PLPP1: variants seen among roughly 807,000 people sequenced by gnomAD.
PLPP1 encodes lipid phosphate phosphohydrolase 1a.
PLPP1 carries 24 observed loss-of-function variants against 31.2 expected under a neutral mutation model. The observed-to-expected ratio is 0.77, with a 90% CI of 0.56 to 1.08. The LOEUF (loss-of-function observed/expected upper bound fraction) is 1.08, where lower values mean the gene tolerates loss of function less well. Ranked by LOEUF, PLPP1 falls within the 50% of genes least tolerant of loss-of-function variation. The pLI is 0.00. For missense variants in PLPP1, 319 were observed against 342.7 expected, an observed-to-expected ratio of 0.93 and a Z score of 0.55; for synonymous variants, 146 against 126.3, an observed-to-expected ratio of 1.16 and a Z score of -1.05.
Position 55,494,142 on chromosome 5 carries a change from A to G in PLPP1, c.59-18692T>C, listed in dbSNP as rs556437579. 5.9e-5 allele frequency among the ~76,000 whole-genome samples: 9 copies of G among 152,208 alleles called. No individual in the cohort carries two copies. In the South Asian group the frequency reaches 1.9e-3, roughly 32 times the overall value. ...TGTCCTCTTTTGCTCAGGGTCAGCA[A>G]CATGGTAAAATGAGGAATTTTAGAA... is the stretch of plus-strand genomic sequence containing the variant. On this transcript the variant is annotated intron_variant, in intron 1 of 5. Coordinates refer to ENST00000307259, the MANE Select transcript of PLPP1 (RefSeq NM_003711.4).
intron 1 of PLPP1, among the ~76,000 whole-genome samples, chr5:55,483,791 A>C (rs10075424): frequency 0.84 from 128,112 of 151,852 alleles, 54,446 homozygotes; most frequent in South Asian, 0.92. Context: ...ATAACAATCC[A>C]CATCCCAGAG....
At chr5:55,435,478 TC>T (rs1751470630) in intron 4 of PLPP1, among the ~76,000 whole-genome samples, 1 of 152,186 alleles carries the variant, frequency 6.6e-6, no homozygotes, top group Non-Finnish European at 1.5e-5. Context: ...ATGCTTTCCT[TC>T]CTTGATTAAA....
intron 1 of PLPP1, chr5:55,530,659 T>C: frequency 6.3e-7 from 1 of 1,598,540 alleles, no homozygotes; most frequent in Non-Finnish European, 8.6e-7. Flanking sequence ...AACTTCCTCA[T>C]TATATTTTCA....
chr5:55,474,732 G>A (rs183236676), intron 2 of PLPP1, among the ~76,000 whole-genome samples: 51 of 152,094 alleles, frequency 3.4e-4, no homozygotes, highest in Admixed American at 1.2e-3. Context: ...AATCAAAAAC[G>A]GTAGGTACAT....
intron 1 of PLPP1, among the ~76,000 whole-genome samples, chr5:55,507,504 A>C (rs1268120794): frequency 6.6e-6 from 1 of 152,242 alleles, no homozygotes; most frequent in Non-Finnish European, 1.5e-5. Flanking sequence ...GGGAGCAGGG[A>C]AAATGAAGGA....
intron 3 of PLPP1, among the ~76,000 whole-genome samples, chr5:55,458,041 G>A (rs918506630): frequency 6.6e-6 from 1 of 152,164 alleles, no homozygotes; most frequent in Non-Finnish European, 1.5e-5. Context: ...AGAGATATTA[G>A]AGACATAGGC....
chr5:55,533,459 A>T (rs185757446), intron 1 of PLPP1, among the ~76,000 whole-genome samples: 5 of 152,314 alleles, frequency 3.3e-5, no homozygotes, highest in African/African-American at 1.2e-4. Flanking sequence ...ATTTATAAGA[A>T]TTCCACAAGA....
Position 55,534,611 on chromosome 5 carries a change from G to C in PLPP1, c.19C>G (p.Leu7Val). MFDKTR[L>V]PYVALDVLCV... ...AGCACATCGAGGGCCACGTACGGCA[G>C]CCGCGTCTTGTCAAACATGGTCTCT... is the stretch of plus-strand genomic sequence containing the variant. Residue 7 changes from leucine to valine, a missense_variant, in exon 1 of 6, where the codon CTG becomes GTG. Leu to Val is a conservative substitution (Grantham distance 32, BLOSUM62 1). Transcript: ENST00000307259. 1 of 1,558,300 alleles carries C rather than the reference G, an allele frequency of 6.4e-7. No homozygotes were observed. The highest frequency in any genetic ancestry group is 8.7e-7 in the Non-Finnish European group (1 of 1,154,054).
At chr5:55,514,293 G>A (rs564305940) in intron 1 of PLPP1, among the ~76,000 whole-genome samples, 3 of 152,090 alleles carry the variant, frequency 2.0e-5, no homozygotes. Flanking sequence ...GCTGAGGTGG[G>A]AGGATCAAAT....
chr5:55,465,040 G>A (rs377442633), intron 3 of PLPP1, among the ~76,000 whole-genome samples: 4 of 99,186 alleles, frequency 4.0e-5, no homozygotes, highest in African/African-American at 1.4e-4. Context: ...TATGTGGGGC[G>A]GAGGTGGTTT....
intron 1 of PLPP1, among the ~76,000 whole-genome samples, chr5:55,505,726 A>G (rs1243926854): frequency 1.3e-5 from 2 of 152,220 alleles, no homozygotes; most frequent in African/African-American, 4.8e-5. Context: ...CTAAAATACC[A>G]CATGAAAATT....
At chr5:55,471,374 G>A (rs1752411696) in intron 2 of PLPP1, among the ~76,000 whole-genome samples, 1 of 151,988 alleles carries the variant, frequency 6.6e-6, no homozygotes, top group African/African-American at 2.4e-5. Context: ...GCTAAATTTT[G>A]TATTTTTAGT....
Position 55,534,574 on chromosome 5 carries a change from A to G in PLPP1, c.56T>C (p.Leu19Pro). The part of the protein sequence containing the change: ...YVALDVLCVL[L>P]AGLPFAILTS... Reference sequence around the variant, plus strand: ...CGGACCCGGCGGCGCGTACGTACCCAGCAACACGCAGAGCACATCGAGGGC... The same window carrying G: ...CGGACCCGGCGGCGCGTACGTACCCGGCAACACGCAGAGCACATCGAGGGC... The change falls in exon 1 of 6, where the codon CTG becomes CCG. Residue 19 changes from leucine to proline, a missense_variant and splice_region_variant. Transcript: ENST00000307259. The G allele has an allele frequency of 1.3e-6, 2 of 1,547,926 alleles. No individual in the cohort carries two copies. Among genetic ancestry groups the G allele is most frequent in the East Asian group, 2.5e-5 (1 of 39,626 alleles).
At chr5:55,441,501 C>T (rs1472421502) in intron 4 of PLPP1, among the ~76,000 whole-genome samples, 1 of 152,196 alleles carries the variant, frequency 6.6e-6, no homozygotes, top group Non-Finnish European at 1.5e-5. Flanking sequence ...CACAGCAGAG[C>T]CCAGAAGGAA....
rs1751139956 is a variant in PLPP1 at position 55,425,156 on chromosome 5, C to G, written c.*50G>C. 1 of 1,580,648 alleles carries G rather than the reference C, an allele frequency of 6.3e-7. No homozygotes were observed. Among genetic ancestry groups the G allele is most frequent in the East Asian group, 2.2e-5 (1 of 44,670 alleles). ...ATGCATCCTCTTGCCTTGTGGCAAT[C>G]ATTTTCCTTTAGAAAACAGGCCAGC... On this transcript the variant is annotated 3_prime_UTR_variant, in exon 6 of 6. Coordinates refer to ENST00000307259, the MANE Select transcript of PLPP1 (RefSeq NM_003711.4).
At chr5:55,471,721 A>C (rs1752419310) in intron 2 of PLPP1, among the ~76,000 whole-genome samples, 1 of 152,194 alleles carries the variant, frequency 6.6e-6, no homozygotes, top group Non-Finnish European at 1.5e-5. Context: ...GGATTTTTTT[A>C]AATAAATGAT....
chr5:55,497,669 G>C (rs1753031859), intron 1 of PLPP1, among the ~76,000 whole-genome samples: 1 of 152,106 alleles, frequency 6.6e-6, no homozygotes, highest in South Asian at 2.1e-4. Flanking sequence ...ATCCCAGCAG[G>C]AAACAGATAG....
intron 1 of PLPP1, among the ~76,000 whole-genome samples, chr5:55,478,546 G>A (rs534718130): frequency 6.6e-6 from 1 of 152,186 alleles, no homozygotes; most frequent in Admixed American, 6.5e-5. Context: ...TTTGGGGATA[G>A]AAAGGGTCTC....
chr5:55,500,900 C>G (rs1753128081), intron 1 of PLPP1, among the ~76,000 whole-genome samples: 1 of 152,160 alleles, frequency 6.6e-6, no homozygotes. Context: ...TATAACTTAC[C>G]TGAAATCATC....
Sources: allele counts gnomAD v4.1 joint callset (sites outside exome capture counted in the v4.1 genomes callset), GRCh38; gene constraint gnomAD v4.1.1; transcripts MANE v1.5; gene names NCBI Gene and HGNC (gene_info 2026-07-23, HGNC 2026-07-21).